The following CRB1 variants were observed in gnomAD, a reference collection of about 807,000 sequenced individuals.
CRB1 encodes the protein protein crumbs homolog 1.
A neutral mutation model predicts 120.0 loss-of-function variants in CRB1; 83 were observed. That is an observed-to-expected ratio of 0.69 (90% CI 0.58 to 0.83). The LOEUF is 0.83. Among genes scored for constraint, CRB1 ranks in the 40% least tolerant of loss-of-function variants. The pLI is 0.00. For missense variants in CRB1, 1,699 were observed against 1,687.6 expected, an observed-to-expected ratio of 1.01 and a Z score of -0.12; for synonymous variants, 625 against 612.5, an observed-to-expected ratio of 1.02 and a Z score of -0.30.
rs1856065 is a variant in CRB1 at position 197,296,786 on chromosome 1, C to A, written c.70+28304C>A. ...ACTGTTCTCATGGTAGTGAATAAGT[C>A]TCACAAGATCTGATGGTTTCATAAG... On this transcript the variant is annotated intron_variant, in intron 1 of 11. Transcript: ENST00000367400. Among the ~76,000 whole-genome samples the A allele has an allele frequency of 0.046, 6,964 of 152,088 alleles. 1,293 individuals carry two copies. The East Asian group carries it at 0.63, about 14-fold the overall frequency.
chr1:197,346,381 C>G (rs184546223), intron 3 of CRB1, among the ~76,000 whole-genome samples: 4 of 152,040 alleles, frequency 2.6e-5, no homozygotes, highest in African/African-American at 4.8e-5. Flanking sequence ...CAGCCAAGCC[C>G]TTTGGCAACA....
At chr1:197,451,060 T>C (rs1022137267) in intron 11 of CRB1, among the ~76,000 whole-genome samples, 1 of 151,966 alleles carries the variant, frequency 6.6e-6, no homozygotes, top group Non-Finnish European at 1.5e-5. Context: ...AAGTTAACAT[T>C]AGAAGTACTC....
At chr1:197,477,383 C>A (rs1667240742) in intron 11 of CRB1, among the ~76,000 whole-genome samples, 1 of 152,134 alleles carries the variant, frequency 6.6e-6, no homozygotes, top group South Asian at 2.1e-4. Flanking sequence ...TTTGTTGCTA[C>A]ATGAATCATC....
intron 2 of CRB1, among the ~76,000 whole-genome samples, chr1:197,329,244 G>A (rs946774575): frequency 6.6e-6 from 1 of 152,182 alleles, no homozygotes; most frequent in Admixed American, 6.5e-5. Flanking sequence ...ATTTAAAACT[G>A]GATTCAGTCT....
intron 1 of CRB1, among the ~76,000 whole-genome samples, chr1:197,327,648 T>A (rs1220117073): frequency 6.6e-6 from 1 of 152,256 alleles, no homozygotes; most frequent in Admixed American, 6.5e-5. Context: ...ATTTTAGCAC[T>A]AGAAATACTT....
intron 5 of CRB1, among the ~76,000 whole-genome samples, chr1:197,377,672 A>T (rs902650411): frequency 6.6e-6 from 1 of 152,220 alleles, no homozygotes; most frequent in Admixed American, 6.5e-5. Context: ...AGAGTATCTA[A>T]CACCTTATCT....
intron 11 of CRB1, among the ~76,000 whole-genome samples, chr1:197,467,034 A>G (rs937465738): frequency 6.6e-6 from 1 of 152,198 alleles, no homozygotes; most frequent in Non-Finnish European, 1.5e-5. Flanking sequence ...CAATGAGAGC[A>G]AGATTTATTG....
chr1:197,376,931 G>A (rs1422643039), intron 5 of CRB1, among the ~76,000 whole-genome samples: 1 of 152,050 alleles, frequency 6.6e-6, no homozygotes, highest in Non-Finnish European at 1.5e-5. Context: ...GCTAGGCTGG[G>A]GGTCTTAAAG....
At chr1:197,464,218 G>A (rs571074838) in intron 11 of CRB1, among the ~76,000 whole-genome samples, 2 of 152,050 alleles carry the variant, frequency 1.3e-5, no homozygotes, top group Non-Finnish European at 2.9e-5. Flanking sequence ...ATGTAAATGC[G>A]TCTCCTCACA....
the CRB1 span, among the ~76,000 whole-genome samples, chr1:197,231,848 G>A: frequency 1.8e-3 from 280 of 152,210 alleles, 2 homozygotes; most frequent in South Asian, 0.021. Flanking sequence ...GATAGCAGAC[G>A]CTATTTGTAG....
chr1:197,270,354 T>G (rs1016982755), intron 1 of CRB1, among the ~76,000 whole-genome samples: 2 of 152,194 alleles, frequency 1.3e-5, no homozygotes, highest in South Asian at 4.1e-4. Flanking sequence ...CCTCAAACTT[T>G]GAGGCACCTC....
intron 1 of CRB1, among the ~76,000 whole-genome samples, chr1:197,276,194 C>T (rs936980064): frequency 3.2e-4 from 48 of 151,702 alleles, no homozygotes; most frequent in African/African-American, 1.1e-3. Flanking sequence ...TGCTGTATCC[C>T]ATACTGCTGT....
At position 197,316,876 on chromosome 1, in the gene CRB1, G is replaced by T. The variant is rs537075343; in HGVS notation, c.71-11546G>T. The stretch of plus-strand genomic sequence containing the variant: ...ACACCAATAGTGAATTGTCTGAAAA[G>T]AAAGCAAGAAAGCAATTTCACTTAC... On this transcript the variant is annotated intron_variant, in intron 1 of 11. Coordinates refer to ENST00000367400, the MANE Select transcript of CRB1 (RefSeq NM_201253.3). Among the ~76,000 whole-genome samples the T allele has an allele frequency of 1.1e-4, 14 of 123,934 alleles. No homozygotes were observed. In the South Asian group the frequency reaches 3.5e-3, roughly 31 times the overall value. 81.3% of individuals were successfully genotyped at this position (123,934 alleles called of 152,430 possible). A position where few individuals can be genotyped will look rare whatever the true frequency, so the allele number is the denominator to read the frequency against.
intron 1 of CRB1, among the ~76,000 whole-genome samples, chr1:197,291,044 A>G (rs1656147719): frequency 6.6e-6 from 1 of 151,850 alleles, no homozygotes; most frequent in South Asian, 2.1e-4. Flanking sequence ...CTTATATGAC[A>G]ATCTCACAGA....
chr1:197,374,089 G>C (rs933824953), intron 5 of CRB1, among the ~76,000 whole-genome samples: 3 of 152,122 alleles, frequency 2.0e-5, no homozygotes, highest in African/African-American at 7.2e-5. Flanking sequence ...TTGGTATGCA[G>C]TTTCTAGATT....
Position 197,328,869 on chromosome 1 carries a change from T to G in CRB1, c.518T>G (p.Phe173Cys), listed in dbSNP as rs1658688452. 6.2e-7 allele frequency: 1 copy of G among 1,614,102 alleles called. No individual in the cohort carries two copies. The highest frequency in any genetic ancestry group is 8.5e-7 in the Non-Finnish European group (1 of 1,180,032). Residue 173 changes from phenylalanine to cysteine, a missense_variant, in exon 2 of 12, where the codon TTC becomes TGC. Transcript: ENST00000367400. Reference sequence around the variant, plus strand: ...GATGGAATTGATGGTTACTCCTGCTTCTGTGTCCCAGGATATCAAGGCAGA... The same window carrying G: ...GATGGAATTGATGGTTACTCCTGCTGCTGTGTCCCAGGATATCAAGGCAGA... ...CQDGIDGYSC[F>C]CVPGYQGRHC...
chr1:197,252,379 T>C, the CRB1 span, among the ~76,000 whole-genome samples: 2 of 150,296 alleles, frequency 1.3e-5, no homozygotes, highest in South Asian at 4.2e-4. Context: ...CATTCTCTAT[T>C]CCCCCTTCAT....
rs138458446 is a variant in CRB1 at position 197,459,109 on chromosome 1, T to C, written c.4005+16817T>C. Reference sequence around the variant, plus strand: ...GAACAGAGACTAGGTAGGCCTGATTTTAATAGATAAAGAATGTCAGGAAAT... The same window carrying C: ...GAACAGAGACTAGGTAGGCCTGATTCTAATAGATAAAGAATGTCAGGAAAT... On this transcript the variant is annotated intron_variant, in intron 11 of 11. Coordinates refer to ENST00000367400, the MANE Select transcript of CRB1 (RefSeq NM_201253.3). Among the ~76,000 whole-genome samples the C allele has an allele frequency of 6.8e-4, 104 of 152,160 alleles. No homozygotes were observed. The East Asian group carries it at 0.019, about 28-fold the overall frequency.
intron 2 of CRB1, among the ~76,000 whole-genome samples, chr1:197,341,533 C>T (rs1346171557): frequency 6.7e-6 from 1 of 148,760 alleles, no homozygotes; most frequent in African/African-American, 2.4e-5. Context: ...AGTGAGACTC[C>T]ATCTCAGAAA....
Sources: gnomAD v4.1 joint callset for allele counts (sites outside exome capture counted in the v4.1 genomes callset) on GRCh38, gnomAD v4.1.1 for gene constraint, MANE v1.5 for transcripts, NCBI Gene and HGNC (gene_info 2026-07-23, HGNC 2026-07-21) for gene names.